PPFIBP1: variants seen among roughly 807,000 people sequenced by gnomAD.
The protein encoded by PPFIBP1 is PPFIB scaffold protein 1.
Under a neutral mutation model 137.8 loss-of-function variants are expected in PPFIBP1, and 112 were observed. That is an observed-to-expected ratio of 0.81 (90% CI 0.70 to 0.95). PPFIBP1 has a LOEUF of 0.95. Among genes scored for constraint, PPFIBP1 ranks in the 40% least tolerant of loss-of-function variants. PPFIBP1 has a pLI of 0.00. For missense variants in PPFIBP1, 1,083 were observed against 1,196.6 expected, an observed-to-expected ratio of 0.91 and a Z score of 1.40; for synonymous variants, 378 against 417.3, an observed-to-expected ratio of 0.91 and a Z score of 1.15.
At position 27,561,183 on chromosome 12, in the gene PPFIBP1, G is replaced by A. The variant is rs190348752; in HGVS notation, c.-123-16969G>A. On this transcript the variant is annotated intron_variant, in intron 1 of 29. Coordinates refer to ENST00000228425, the MANE Select transcript of PPFIBP1 (RefSeq NM_003622.4). ...GGGTTTCTTTATGGAAGGGGAAGGG[G>A]TTTCTAGAGATAAGCAAGTTTGTTC... Among the ~76,000 whole-genome samples, 44 of 152,288 alleles carry A rather than the reference G, an allele frequency of 2.9e-4. No homozygotes were observed. In the East Asian group the frequency reaches 8.3e-3, roughly 29 times the overall value.
chr12:27,534,519 C>T (rs1248544569), intron 1 of PPFIBP1, among the ~76,000 whole-genome samples: 3 of 150,844 alleles, frequency 2.0e-5, no homozygotes, highest in African/African-American at 7.3e-5. Context: ...GAATGTGTCT[C>T]GAGGCAGGAA....
intron 2 of PPFIBP1, among the ~76,000 whole-genome samples, chr12:27,591,829 T>C (rs1217569050): frequency 2.6e-5 from 4 of 152,298 alleles, no homozygotes; most frequent in Non-Finnish European, 5.9e-5. Context: ...GTCAGGTACC[T>C]GGGGAATATC....
chr12:27,607,382 T>C (rs1452635811), intron 2 of PPFIBP1, among the ~76,000 whole-genome samples: 3 of 152,206 alleles, frequency 2.0e-5, no homozygotes, highest in African/African-American at 7.2e-5. Context: ...CACTTAGATA[T>C]GGACTGCAAT....
chr12:27,649,521 G>A lies in PPFIBP1; in HGVS notation c.472-489G>A, dbSNP rs116555608. Among the ~76,000 whole-genome samples the A allele has an allele frequency of 2.6e-3, 388 of 152,058 alleles. 2 individuals are homozygous for A. The highest frequency in any genetic ancestry group is 7.8e-3 in the African/African-American group (322 of 41,522). On this transcript the variant is annotated intron_variant, in intron 6 of 29. Coordinates refer to ENST00000228425, the MANE Select transcript of PPFIBP1 (RefSeq NM_003622.4). ...ATGTGCTTATTTCTGTTCAAAGGAG[G>A]GTAACTAAAGTGAATAGTTCTTTTT...
At chr12:27,686,720 A>G (rs2061223183) in intron 24 of PPFIBP1, among the ~76,000 whole-genome samples, 2 of 152,184 alleles carry the variant, frequency 1.3e-5, no homozygotes, top group Non-Finnish European at 2.9e-5. Context: ...TTTTCCCCAA[A>G]ATTATGATGT....
chr12:27,551,904 A>T (rs2136212518), intron 1 of PPFIBP1, among the ~76,000 whole-genome samples: 1 of 152,360 alleles, frequency 6.6e-6, no homozygotes, highest in East Asian at 1.9e-4. Flanking sequence ...GGAGACCCAT[A>T]TTAGAAGACA....
chr12:27,687,890 C>T (rs950103880), intron 25 of PPFIBP1, among the ~76,000 whole-genome samples: 1 of 152,110 alleles, frequency 6.6e-6, no homozygotes, highest in African/African-American at 2.4e-5. Flanking sequence ...CAAGACCAGC[C>T]TGGGCAACAT....
chr12:27,551,719 T>C (rs1946800520), intron 1 of PPFIBP1, among the ~76,000 whole-genome samples: 3 of 152,198 alleles, frequency 2.0e-5, no homozygotes, highest in Non-Finnish European at 4.4e-5. Flanking sequence ...CACTTGGCTT[T>C]TCATGTTCGT....
intron 2 of PPFIBP1, among the ~76,000 whole-genome samples, chr12:27,612,489 G>T (rs1420886617): frequency 6.6e-6 from 1 of 151,946 alleles, no homozygotes; most frequent in East Asian, 1.9e-4. Context: ...TGGGACTACA[G>T]ATGTGTGCCA....
At chr12:27,676,310 C>A in intron 17 of PPFIBP1, 118 bp from the exon 18 acceptor site, 1 of 735,918 alleles carries the variant, frequency 1.4e-6, no homozygotes, top group South Asian at 5.2e-5. Flanking sequence ...TGTATTAGTT[C>A]AGTTATTCTT....
At chr12:27,582,179 T>A (rs1359746444) in intron 2 of PPFIBP1, among the ~76,000 whole-genome samples, 1 of 151,436 alleles carries the variant, frequency 6.6e-6, no homozygotes, top group Admixed American at 6.6e-5. Flanking sequence ...AGAGGAAGAG[T>A]TTGCACATTT....
In PPFIBP1 at chr12:27,646,064, A is replaced by G. The variant is rs2058460418; in HGVS notation, c.273A>G (p.Thr91=). Residue 91 remains threonine (T), a splice_region_variant and synonymous_variant, in exon 5 of 30, where the codon ACA becomes ACG. Transcript: ENST00000228425. The part of the protein sequence containing the change: ...TLVEWLQSQM[T]NGHLPGNGDV... ...ACCCATATTACTTCCTTTTTCAGAC[A>G]AATGGACACCTACCAGGGAACGGAG... 1.2e-6 allele frequency: 2 copies of G among 1,602,266 alleles called. No individual in the cohort carries two copies. The highest frequency in any genetic ancestry group is 1.7e-6 in the Non-Finnish European group (2 of 1,170,564).
intron 2 of PPFIBP1, among the ~76,000 whole-genome samples, chr12:27,588,476 C>T (rs953816657): frequency 2.6e-5 from 4 of 152,120 alleles, no homozygotes; most frequent in African/African-American, 7.2e-5. Flanking sequence ...GCCCAAAAGA[C>T]GCATGACAGA....
intron 1 of PPFIBP1, among the ~76,000 whole-genome samples, chr12:27,524,770 A>C (rs899844100): frequency 6.6e-5 from 10 of 152,198 alleles, no homozygotes; most frequent in African/African-American, 2.4e-4. Flanking sequence ...AAAAGAAAAA[A>C]AAAGTTTTGT....
intron 2 of PPFIBP1, among the ~76,000 whole-genome samples, chr12:27,625,126 G>A (rs2056702837): frequency 6.6e-6 from 1 of 152,028 alleles, no homozygotes; most frequent in African/African-American, 2.4e-5. Context: ...GCCAGGTGTG[G>A]TAGTCCCAGC....
chr12:27,565,708 G>T (rs2136507836), intron 1 of PPFIBP1, among the ~76,000 whole-genome samples: 1 of 152,278 alleles, frequency 6.6e-6, no homozygotes, highest in East Asian at 1.9e-4. Context: ...CAGTGAAGGG[G>T]TCTACGTTCA....
chr12:27,605,113 T>C (rs2054391589), intron 2 of PPFIBP1, among the ~76,000 whole-genome samples: 1 of 152,168 alleles, frequency 6.6e-6, no homozygotes, highest in Non-Finnish European at 1.5e-5. Context: ...TCAAACCATA[T>C]GATTACCCAG....
chr12:27,555,760 TG>T (rs932963068), intron 1 of PPFIBP1, among the ~76,000 whole-genome samples: 1 of 152,210 alleles, frequency 6.6e-6, no homozygotes, highest in Non-Finnish European at 1.5e-5. Context: ...AATATTATTT[TG>T]GGGGAAAAAG....
chr12:27,681,190 T>C (rs992170111), intron 21 of PPFIBP1, among the ~76,000 whole-genome samples: 2 of 152,246 alleles, frequency 1.3e-5, no homozygotes, highest in Non-Finnish European at 2.9e-5. Context: ...AAATTAGACT[T>C]AAGTTTCTTT....
Sources: allele counts gnomAD v4.1 joint callset (sites outside exome capture counted in the v4.1 genomes callset), GRCh38; gene constraint gnomAD v4.1.1; transcripts MANE v1.5; gene names NCBI Gene and HGNC (gene_info 2026-07-23, HGNC 2026-07-21).